CHODL: variants seen among roughly 807,000 people sequenced by gnomAD.
CHODL encodes the protein chondrolectin, also known as transmembrane protein MT75.
In CHODL, 29 loss-of-function variants were observed where a neutral mutation model predicts 34.5. The ratio of observed to expected loss-of-function variants is 0.84; its 90% CI spans 0.63 to 1.15. The LOEUF (loss-of-function observed/expected upper bound fraction) is 1.15. Among genes scored for constraint, CHODL ranks in the 50% most tolerant of loss-of-function variants. The probability of loss-of-function intolerance (pLI) is 0.00; values close to 1 mark genes in which losing one functional copy is unlikely to be tolerated. For synonymous variants in CHODL, 125 were observed against 116.1 expected, an observed-to-expected ratio of 1.08 and a Z score of -0.49; for missense variants, 332 against 332.5, an observed-to-expected ratio of 1.00 and a Z score of 0.01.
intron 1 of CHODL, among the ~76,000 whole-genome samples, chr21:18,253,260 C>T (rs1357403641): frequency 6.6e-6 from 1 of 151,752 alleles, no homozygotes; most frequent in African/African-American, 2.4e-5. Context: ...ATGTTTGGGG[C>T]TTTGTTACAT....
intron 2 of CHODL, among the ~76,000 whole-genome samples, chr21:18,152,083 A>T (rs1174774778): frequency 6.6e-5 from 10 of 151,712 alleles, no homozygotes; most frequent in Admixed American, 1.3e-4. Flanking sequence ...GAATTATTTC[A>T]GTCGAGTTTA....
chr21:18,025,361 A>C (rs149980477), intron 1 of CHODL, among the ~76,000 whole-genome samples: 1 of 152,326 alleles, frequency 6.6e-6, no homozygotes, highest in African/African-American at 2.4e-5. Flanking sequence ...GATTATTAAG[A>C]AAAATAGAAT....
intron 2 of CHODL, among the ~76,000 whole-genome samples, chr21:18,086,846 C>T (rs1160714095): frequency 6.6e-6 from 1 of 152,150 alleles, no homozygotes; most frequent in African/African-American, 2.4e-5. Context: ...AGATAGCTTG[C>T]TTATAAGCCA....
chr21:18,054,680 C>T (rs117200752), intron 2 of CHODL, among the ~76,000 whole-genome samples: 1,533 of 151,926 alleles, frequency 0.01, 17 homozygotes, highest in Non-Finnish European at 0.016. Context: ...TTTTTGAGAT[C>T]TGGAGAGTGG....
At chr21:18,199,267 A>G (rs1210702024) in intron 2 of CHODL, among the ~76,000 whole-genome samples, 4 of 152,130 alleles carry the variant, frequency 2.6e-5, no homozygotes, top group Non-Finnish European at 5.9e-5. Context: ...TATCGTTTCA[A>G]TCAAACTTGA....
chr21:18,164,888 T>C (rs1316338346), intron 2 of CHODL, among the ~76,000 whole-genome samples: 1 of 152,096 alleles, frequency 6.6e-6, no homozygotes, highest in African/African-American at 2.4e-5. Context: ...AAGCCAGGAG[T>C]TACTGTTCTC....
chr21:18,183,282 C>T (rs2073403571), intron 2 of CHODL, among the ~76,000 whole-genome samples: 1 of 152,142 alleles, frequency 6.6e-6, no homozygotes, highest in African/African-American at 2.4e-5. Flanking sequence ...CAGGGCTTGG[C>T]TCAACCTATG....
At chr21:18,045,349 G>A (rs2064428954) in intron 2 of CHODL, among the ~76,000 whole-genome samples, 1 of 151,934 alleles carries the variant, frequency 6.6e-6, no homozygotes, top group African/African-American at 2.4e-5. Flanking sequence ...CTCAAAATGA[G>A]ATAATCCTTG....
At chr21:18,228,744 G>A (rs559567397) in intron 2 of CHODL, among the ~76,000 whole-genome samples, 1 of 152,200 alleles carries the variant, frequency 6.6e-6, no homozygotes, top group Non-Finnish European at 1.5e-5. Context: ...GTTTTGATTA[G>A]TGATATTTAG....
intron 2 of CHODL, among the ~76,000 whole-genome samples, chr21:18,225,856 G>T (rs2073926391): frequency 6.6e-6 from 1 of 151,928 alleles, no homozygotes; most frequent in Admixed American, 6.6e-5. Flanking sequence ...AATATAAATA[G>T]ACTGCCTACT....
At chr21:18,166,426 G>T (rs1223185869) in intron 2 of CHODL, among the ~76,000 whole-genome samples, 4 of 152,136 alleles carry the variant, frequency 2.6e-5, no homozygotes, top group Admixed American at 1.3e-4. Flanking sequence ...AATCAAGGGA[G>T]TGATACCCCT....
intron 1 of CHODL, among the ~76,000 whole-genome samples, chr21:18,003,691 G>A (rs1015473016): frequency 6.6e-6 from 1 of 151,912 alleles, no homozygotes; most frequent in Non-Finnish European, 1.5e-5. Context: ...CTTTCTGTCT[G>A]TCTCTCTCTC....
intron 2 of CHODL, among the ~76,000 whole-genome samples, chr21:18,053,451 A>G (rs2064540924): frequency 6.6e-6 from 1 of 151,886 alleles, no homozygotes; most frequent in Admixed American, 6.6e-5. Context: ...TAAAATATGG[A>G]ATTGGTCTAG....
intron 1 of CHODL, among the ~76,000 whole-genome samples, chr21:17,994,758 G>C (rs1419875654): frequency 6.6e-6 from 1 of 152,156 alleles, no homozygotes; most frequent in Non-Finnish European, 1.5e-5. Flanking sequence ...ATGGCAGAAG[G>C]CAGGGTTCAA....
upstream of CHODL, among the ~76,000 whole-genome samples, chr21:18,242,075 G>C (rs1312433622): frequency 6.6e-6 from 1 of 151,758 alleles, no homozygotes; most frequent in African/African-American, 2.4e-5. Flanking sequence ...GTCTTGTTTG[G>C]TATGAGCTGA....
chr21:17,988,848 G>A (rs998351272), intron 1 of CHODL, among the ~76,000 whole-genome samples: 59 of 151,956 alleles, frequency 3.9e-4, no homozygotes, highest in Admixed American at 3.1e-3. Context: ...GAATAATGCC[G>A]CAATAAACAT....
At chr21:18,153,168 T>C (rs1375122172) in intron 2 of CHODL, among the ~76,000 whole-genome samples, 1 of 152,200 alleles carries the variant, frequency 6.6e-6, no homozygotes, top group Non-Finnish European at 1.5e-5. Context: ...AGGCACAGCT[T>C]AGCTCAGCTG....
chr21:18,156,050 A>G (rs2073030350), intron 2 of CHODL, among the ~76,000 whole-genome samples: 2 of 152,314 alleles, frequency 1.3e-5, no homozygotes, highest in African/African-American at 4.8e-5. Context: ...GCAATGGGAA[A>G]TTCTCTGCTG....
At chr21:18,218,016 A>T (rs942642270) in intron 2 of CHODL, among the ~76,000 whole-genome samples, 1 of 151,936 alleles carries the variant, frequency 6.6e-6, no homozygotes, top group African/African-American at 2.4e-5. Flanking sequence ...GTACAGTCCC[A>T]CTCTGGGCTG....
Sources: gnomAD v4.1 joint callset for allele counts (sites outside exome capture counted in the v4.1 genomes callset) on GRCh38, gnomAD v4.1.1 for gene constraint, MANE v1.5 for transcripts, NCBI Gene and HGNC (gene_info 2026-07-23, HGNC 2026-07-21) for gene names.